Variants in DYNC2I2 observed in about 807,000 individuals in gnomAD.
The protein encoded by DYNC2I2 is dynein 2 intermediate chain 2, also known as cytoplasmic dynein 2 intermediate chain 2.
DYNC2I2 carries 39 observed loss-of-function variants against 52.0 expected under a neutral mutation model. That is an observed-to-expected ratio of 0.75 (90% CI 0.58 to 0.98). DYNC2I2 has a LOEUF of 0.98. Ranked by LOEUF, DYNC2I2 falls within the 50% of genes least tolerant of loss-of-function variation. DYNC2I2 has a pLI of 0.00. For missense variants in DYNC2I2, 743 were observed against 728.4 expected, an observed-to-expected ratio of 1.02 and a Z score of -0.23; for synonymous variants, 359 against 321.1, an observed-to-expected ratio of 1.12 and a Z score of -1.26.
intron 1 of DYNC2I2, among the ~76,000 whole-genome samples, chr9:128,656,165 G>GA (rs1860819217): frequency 6.7e-6 from 1 of 149,898 alleles, no homozygotes; most frequent in South Asian, 2.1e-4. Flanking sequence ...AGCCGAGATC[G>GA]CACCACTGCA....
intron 1 of DYNC2I2, among the ~76,000 whole-genome samples, chr9:128,647,980 A>G (rs1373038483): frequency 6.6e-6 from 1 of 152,038 alleles, no homozygotes; most frequent in African/African-American, 2.4e-5. Flanking sequence ...CTCTCAGAGG[A>G]AGGAAACTGA....
At chr9:128,636,070 G>C in intron 4 of DYNC2I2, 2 of 849,148 alleles carry the variant, frequency 2.4e-6, no homozygotes, top group Non-Finnish European at 3.9e-6. Context: ...CCCCTGTCCT[G>C]GCCCCGACCC....
At chr9:128,670,927 C>T in the DYNC2I2 span, among the ~76,000 whole-genome samples, 3 of 150,572 alleles carry the variant, frequency 2.0e-5, no homozygotes, top group African/African-American at 7.3e-5. Flanking sequence ...ATCAGCCAGG[C>T]GTGGTGGCAC....
In DYNC2I2 at chr9:128,640,753, T is replaced by A. The variant is rs753050286; in HGVS notation, c.373A>T (p.Lys125Ter). The A allele has an allele frequency of 6.2e-7, 1 of 1,614,180 alleles. No individual in the cohort carries two copies. The highest frequency in any genetic ancestry group is 2.2e-5 in the East Asian group (1 of 44,882). The part of the protein sequence containing the change: ...VEAMVIRELN[K>*]NWQSHAFDGF... Reference sequence around the variant, plus strand: ...TCAAACGCGTGGCTCTGCCAATTCTTGTTCAGCTCTCGGATGACCATGGCC... The same window carrying A: ...TCAAACGCGTGGCTCTGCCAATTCTAGTTCAGCTCTCGGATGACCATGGCC... Residue 125 changes from lysine to a stop codon, truncating the protein, a stop_gained, in exon 2 of 9, where the codon AAG (lysine) becomes TAG (stop). Coordinates refer to ENST00000372715, the MANE Select transcript of DYNC2I2 (RefSeq NM_052844.4). LOFTEE classifies it high-confidence loss of function.
chr9:128,641,976 T>TATACATAC (rs1554771904), intron 1 of DYNC2I2, among the ~76,000 whole-genome samples: 4 of 146,994 alleles, frequency 2.7e-5, no homozygotes, highest in African/African-American at 1.0e-4. Context: ...TTTATATACA[T>TATACATAC]ACACACACAC....
In DYNC2I2 at chr9:128,635,752, C is replaced by T. The variant is rs1194458202; in HGVS notation, c.719G>A (p.Gly240Asp). ...PSHVAGGLYS[G>D]EVLVWDLSRL... ...GCTCAGGTCCCACACCAACACCTCACCACTGTACAGCCCTCCTGCAGGGAC... is the reference window on the plus strand; with the variant it reads ...GCTCAGGTCCCACACCAACACCTCATCACTGTACAGCCCTCCTGCAGGGAC... The change falls in exon 5 of 9, where the codon GGT (glycine) becomes GAT (aspartate). Residue 240 changes from glycine (G) to aspartate (D), a missense_variant. Physicochemically the swap from Gly to Asp is moderately conservative, Grantham distance 94. Coordinates refer to ENST00000372715, the MANE Select transcript of DYNC2I2 (RefSeq NM_052844.4). 3 of 1,612,928 alleles carry T rather than the reference C, an allele frequency of 1.9e-6. No homozygotes were observed. The highest frequency in any genetic ancestry group is 3.3e-5 in the Admixed American group (2 of 59,906).
the DYNC2I2 span, among the ~76,000 whole-genome samples, chr9:128,677,067 C>T: frequency 1.3e-4 from 20 of 151,852 alleles, no homozygotes; most frequent in African/African-American, 3.9e-4. Flanking sequence ...CCAGGATGGT[C>T]CTGATCTCCT....
chr9:128,644,294 A>C (rs1564342441), intron 1 of DYNC2I2, among the ~76,000 whole-genome samples: 1 of 148,916 alleles, frequency 6.7e-6, no homozygotes. Flanking sequence ...TTTTTGAGAC[A>C]GGGTCTCACT....
At chr9:128,681,085 G>T in the DYNC2I2 span, among the ~76,000 whole-genome samples, 12 of 151,962 alleles carry the variant, frequency 7.9e-5, no homozygotes, top group Non-Finnish European at 1.6e-4. Context: ...CCGAGTACCA[G>T]TCATTCATTT....
the DYNC2I2 span, among the ~76,000 whole-genome samples, chr9:128,681,710 A>T: frequency 1.3e-5 from 2 of 152,014 alleles, no homozygotes; most frequent in Non-Finnish European, 2.9e-5. Context: ...TTTTTGCCTT[A>T]CTCATTTTTA....
At chr9:128,636,145 G>GA in intron 4 of DYNC2I2, 136 bp downstream of exon 4, 1 of 1,335,270 alleles carries the variant, frequency 7.5e-7, no homozygotes, top group Non-Finnish European at 1.0e-6. Flanking sequence ...CCTTCACCTG[G>GA]GCTCCAGACT....
intron 1 of DYNC2I2, among the ~76,000 whole-genome samples, chr9:128,643,196 G>A (rs1860550618): frequency 6.6e-6 from 1 of 152,154 alleles, no homozygotes; most frequent in East Asian, 1.9e-4. Context: ...ACCAGCCTGG[G>A]CAACAGAGGG....
chr9:128,646,497 C>T (rs1461863159), intron 1 of DYNC2I2, among the ~76,000 whole-genome samples: 1 of 152,168 alleles, frequency 6.6e-6, no homozygotes, highest in African/African-American at 2.4e-5. Flanking sequence ...GCATGAGCCA[C>T]CTGGCCCAGA....
chr9:128,682,508 G>A, the DYNC2I2 span, among the ~76,000 whole-genome samples: 1 of 151,842 alleles, frequency 6.6e-6, no homozygotes, highest in African/African-American at 2.4e-5. Flanking sequence ...CAAACCCTGT[G>A]CCTACTAAAA....
chr9:128,680,609 C>G, the DYNC2I2 span, among the ~76,000 whole-genome samples: 1 of 148,470 alleles, frequency 6.7e-6, no homozygotes, highest in South Asian at 2.1e-4. Context: ...GATCTCCTGA[C>G]CTCGTGATCT....
chr9:128,658,913 G>T (rs775036606), upstream of DYNC2I2, among the ~76,000 whole-genome samples: 2 of 151,306 alleles, frequency 1.3e-5, no homozygotes, highest in African/African-American at 4.9e-5. Flanking sequence ...TTGTAGAGAT[G>T]GGGGCAGGGG....
chr9:128,684,138 T>C, the DYNC2I2 span: 1 of 700,840 alleles, frequency 1.4e-6, no homozygotes. Context: ...CCTGGGATGG[T>C]GGATTAAGTT....
At chr9:128,643,451 TG>T (rs888759870) in intron 1 of DYNC2I2, among the ~76,000 whole-genome samples, 2 of 147,056 alleles carry the variant, frequency 1.4e-5, no homozygotes, top group African/African-American at 2.5e-5. Flanking sequence ...CGCTTGAACT[TG>T]GGGGGCGGAG....
At chr9:128,637,073 C>A (rs1365556279) in intron 2 of DYNC2I2, 46 bp from the exon 3 acceptor site, 1 of 1,452,862 alleles carries the variant, frequency 6.9e-7, no homozygotes, top group Admixed American at 1.8e-5. Flanking sequence ...CCAGCAGGGG[C>A]CTCATGACTG....
Sources: allele counts gnomAD v4.1 joint callset (sites outside exome capture counted in the v4.1 genomes callset), GRCh38; gene constraint gnomAD v4.1.1; transcripts MANE v1.5; gene names NCBI Gene and HGNC (gene_info 2026-07-23, HGNC 2026-07-21).